Variants in CSMD1 observed in about 807,000 individuals in gnomAD.
CSMD1 encodes CUB and sushi domain-containing protein 1.
A neutral mutation model predicts 417.5 loss-of-function variants in CSMD1; 213 were observed. The observed-to-expected ratio is 0.51, with a 90% CI of 0.46 to 0.57. The LOEUF is 0.57. CSMD1 is among the 20% of genes least tolerant of loss of function. The probability of loss-of-function intolerance (pLI) is 0.00; values close to 1 mark genes in which losing one functional copy is unlikely to be tolerated. For missense variants in CSMD1, 6,923 were observed against 4,529.7 expected (o/e 1.53, Z -15.17); for synonymous variants, 2,862 against 1,736.8 (o/e 1.65, Z -16.11).
chr8:3,456,273 C>A (rs1019441044), intron 12 of CSMD1, among the ~76,000 whole-genome samples: 1 of 151,608 alleles, frequency 6.6e-6, no homozygotes, highest in Admixed American at 6.6e-5. Context: ...TGGGGCGATG[C>A]CTTGCCCTGC....
At chr8:4,602,068 A>G (rs1440863370) in intron 2 of CSMD1, among the ~76,000 whole-genome samples, 1 of 152,206 alleles carries the variant, frequency 6.6e-6, no homozygotes, top group Non-Finnish European at 1.5e-5. Context: ...TAGATAAAGG[A>G]TGTATTAGCA....
intron 1 of CSMD1, among the ~76,000 whole-genome samples, chr8:4,926,015 C>G (rs1176846991): frequency 6.6e-6 from 1 of 152,098 alleles, no homozygotes; most frequent in Non-Finnish European, 1.5e-5. Context: ...TTAATGACTA[C>G]AAAAGTGAGA....
At chr8:3,591,786 TAGA>T (rs1800858279) in intron 8 of CSMD1, among the ~76,000 whole-genome samples, 1 of 151,954 alleles carries the variant, frequency 6.6e-6, no homozygotes, top group Non-Finnish European at 1.5e-5. Context: ...GATGGATGGA[TAGA>T]TGGAAAGATG....
chr8:3,773,180 G>A (rs1013958122), intron 5 of CSMD1, among the ~76,000 whole-genome samples: 2 of 152,126 alleles, frequency 1.3e-5, no homozygotes, highest in African/African-American at 4.8e-5. Context: ...AACTCTAGGG[G>A]GACACTGACA....
intron 1 of CSMD1, among the ~76,000 whole-genome samples, chr8:4,655,271 G>T (rs1284070878): frequency 6.6e-6 from 1 of 152,020 alleles, no homozygotes; most frequent in Non-Finnish European, 1.5e-5. Flanking sequence ...TCCCCCTGGG[G>T]TCACTGCCAT....
At chr8:3,160,156 C>G (rs947377476) in intron 38 of CSMD1, among the ~76,000 whole-genome samples, 5 of 152,068 alleles carry the variant, frequency 3.3e-5, no homozygotes, top group Non-Finnish European at 7.4e-5. Flanking sequence ...TAGGGTCTTG[C>G]TCTGTCACCT....
At chr8:3,177,126 C>T (rs553239429) in intron 37 of CSMD1, among the ~76,000 whole-genome samples, 8 of 152,202 alleles carry the variant, frequency 5.3e-5, no homozygotes, top group East Asian at 1.9e-4. Context: ...AGACGAGAGC[C>T]GCATGCTACG....
intron 3 of CSMD1, among the ~76,000 whole-genome samples, chr8:4,398,659 T>C (rs2128927852): frequency 6.6e-6 from 1 of 152,256 alleles, no homozygotes; most frequent in South Asian, 2.1e-4. Context: ...CCTCCCAAAG[T>C]GCTGGGATTA....
intron 2 of CSMD1, among the ~76,000 whole-genome samples, chr8:4,564,040 G>C (rs957761430): frequency 2.6e-5 from 4 of 152,196 alleles, no homozygotes; most frequent in Non-Finnish European, 5.9e-5. Context: ...TGGAAGCCCA[G>C]TTAGCGAACA....
intron 7 of CSMD1, among the ~76,000 whole-genome samples, chr8:3,621,969 C>A (rs943666548): frequency 1.1e-4 from 15 of 138,000 alleles, no homozygotes; most frequent in Non-Finnish European, 1.5e-4. Flanking sequence ...TTATGTCTCT[C>A]TCTCTCTTTG....
At chr8:3,205,788 G>C (rs529216688) in intron 30 of CSMD1, among the ~76,000 whole-genome samples, 168 bp from the exon 31 acceptor site, 4 of 152,164 alleles carry the variant, frequency 2.6e-5, no homozygotes, top group Admixed American at 6.5e-5. Context: ...GAAAGACAAA[G>C]ATTTACCAGG....
intron 1 of CSMD1, among the ~76,000 whole-genome samples, chr8:4,857,277 G>A (rs936387787): frequency 2.1e-5 from 3 of 144,790 alleles, no homozygotes; most frequent in African/African-American, 7.6e-5. Flanking sequence ...GTGTGTAGAG[G>A]AAAATTTATA....
intron 1 of CSMD1, among the ~76,000 whole-genome samples, chr8:4,896,228 A>G (rs1355240995): frequency 6.6e-6 from 1 of 151,936 alleles, no homozygotes; most frequent in Non-Finnish European, 1.5e-5. Flanking sequence ...GGTTCTTTCA[A>G]CTTTGCAGGT....
At chr8:3,849,294 C>A (rs898340171) in intron 5 of CSMD1, among the ~76,000 whole-genome samples, 1 of 152,060 alleles carries the variant, frequency 6.6e-6, no homozygotes, top group Non-Finnish European at 1.5e-5. Flanking sequence ...GACAAAGATA[C>A]AGGGCGGACT....
rs182225703 is a variant in CSMD1 at position 4,035,586 on chromosome 8, C to G, written c.416-3487G>C. Among the ~76,000 whole-genome samples, 22 of 152,150 alleles carry G rather than the reference C, an allele frequency of 1.4e-4. No homozygotes were observed. The East Asian group carries it at 3.9e-3, about 27-fold the overall frequency. ...CCTAGGCTAGGGTGTGTGTTTGAGT[C>G]TTAATTTTTAATGAATACAGTTTAA... On this transcript the variant is annotated intron_variant, in intron 3 of 69. Transcript: ENST00000635120.
In CSMD1 at chr8:4,751,816, T is replaced by C. The variant is rs192059482; in HGVS notation, c.86-114258A>G. Among the ~76,000 whole-genome samples the C allele has an allele frequency of 3.4e-3, 519 of 152,312 alleles. 5 individuals are homozygous for C. The highest frequency in any genetic ancestry group is 0.011 in the African/African-American group (475 of 41,572). On this transcript the variant is annotated intron_variant, in intron 1 of 69. Coordinates refer to ENST00000635120, the MANE Select transcript of CSMD1 (RefSeq NM_033225.6). Reference sequence around the variant, plus strand: ...CTGCCCCGTACATGCAGAGTCCACATGATGTCTTCGGTTTCATGTTCTCTG... The same window carrying C: ...CTGCCCCGTACATGCAGAGTCCACACGATGTCTTCGGTTTCATGTTCTCTG...
intron 4 of CSMD1, among the ~76,000 whole-genome samples, chr8:4,011,330 G>T (rs891244901): frequency 6.6e-6 from 1 of 152,032 alleles, no homozygotes; most frequent in African/African-American, 2.4e-5. Flanking sequence ...TGCTCCAATT[G>T]CCCCCATTCA....
chr8:3,979,176 T>C (rs1027601954), intron 5 of CSMD1, among the ~76,000 whole-genome samples: 4 of 152,216 alleles, frequency 2.6e-5, no homozygotes, highest in South Asian at 4.1e-4. Flanking sequence ...TGTGAGATCT[T>C]AGCACACTAA....
intron 7 of CSMD1, among the ~76,000 whole-genome samples, chr8:3,651,524 G>A (rs929907826): frequency 6.6e-6 from 1 of 152,022 alleles, no homozygotes; most frequent in East Asian, 1.9e-4. Context: ...GTTTCTCCAG[G>A]TGTCTCCTCC....
Sources: gnomAD v4.1 joint callset for allele counts (sites outside exome capture counted in the v4.1 genomes callset) on GRCh38, gnomAD v4.1.1 for gene constraint, MANE v1.5 for transcripts, NCBI Gene and HGNC (gene_info 2026-07-23, HGNC 2026-07-21) for gene names.